Variants in HHAT observed in about 807,000 individuals in gnomAD.
The protein encoded by HHAT is hedgehog acyltransferase.
Under a neutral mutation model 70.8 loss-of-function variants are expected in HHAT, and 47 were observed. That is an observed-to-expected ratio of 0.66 (90% CI 0.53 to 0.85). The LOEUF (loss-of-function observed/expected upper bound fraction) is 0.85, where lower values mean the gene tolerates loss of function less well. Among genes scored for constraint, HHAT ranks in the 40% least tolerant of loss-of-function variants. The probability of loss-of-function intolerance (pLI) is 0.00; values close to 1 mark genes in which losing one functional copy is unlikely to be tolerated. For missense variants in HHAT, 609 were observed against 604.8 expected (o/e 1.01, Z -0.07); for synonymous variants, 228 against 247.6 (o/e 0.92, Z 0.74).
intron 10 of HHAT, among the ~76,000 whole-genome samples, chr1:210,609,555 A>T (rs1288009596): frequency 1.3e-5 from 2 of 151,798 alleles, no homozygotes; most frequent in Admixed American, 1.3e-4. Flanking sequence ...GGATGTGCAG[A>T]TTTATTATAT....
chr1:210,335,142 A>T (rs1488557983), intron 1 of HHAT, among the ~76,000 whole-genome samples: 1 of 152,340 alleles, frequency 6.6e-6, no homozygotes, highest in African/African-American at 2.4e-5. Context: ...TAAGTCTTAA[A>T]TATGGTAAGT....
chr1:210,557,011 T>G (rs962703460), intron 9 of HHAT, among the ~76,000 whole-genome samples: 1 of 152,134 alleles, frequency 6.6e-6, no homozygotes, highest in African/African-American at 2.4e-5. Context: ...CTGCAGACAG[T>G]GCTGATTGTC....
In HHAT at chr1:210,422,079, C is replaced by A. The variant is rs141003528; in HGVS notation, c.856+3754C>A. On this transcript the variant is annotated intron_variant, in intron 7 of 11. Transcript: ENST00000261458. Reference sequence around the variant, plus strand: ...CTAAAGCTTTTAAAGTTAAAAAAATCTTTAGTTATTGTGTACATTTGCATC... The same window carrying A: ...CTAAAGCTTTTAAAGTTAAAAAAATATTTAGTTATTGTGTACATTTGCATC... Among the ~76,000 whole-genome samples, 220 of 152,146 alleles carry A rather than the reference C, an allele frequency of 1.4e-3. 5 individuals are homozygous for A. The East Asian group carries it at 0.037, about 25-fold the overall frequency.
In HHAT at chr1:210,491,061, CA is replaced by C. The variant is rs201459873; in HGVS notation, c.1008-22091del. 6.4e-3 allele frequency among the ~76,000 whole-genome samples: 470 copies of C among 73,452 alleles called. 5 individuals carry two copies. Among genetic ancestry groups the C allele is most frequent in the Non-Finnish European group, 4.8e-3 (165 of 34,248 alleles). 48.2% of individuals were successfully genotyped at this position (73,452 alleles called of 152,430 possible). On this transcript the variant is annotated intron_variant, in intron 8 of 11. Transcript: ENST00000261458. ...CATTTTTGTGAGACACACACACACA[CA>C]TAGTGTGTGTGTGTGTGTGTGTGTC...
intron 3 of HHAT, among the ~76,000 whole-genome samples, chr1:210,386,355 C>CA (rs1342046405): frequency 6.8e-6 from 1 of 147,064 alleles, no homozygotes; most frequent in African/African-American, 2.5e-5. Flanking sequence ...TCTCCTGCCT[C>CA]AGCCTCCCAA....
chr1:210,674,418 A>T lies in HHAT; in HGVS notation c.*39A>T. On this transcript the variant is annotated 3_prime_UTR_variant, in exon 12 of 12. Coordinates refer to ENST00000261458, the MANE Select transcript of HHAT (RefSeq NM_018194.6). Reference sequence around the variant, plus strand: ...AGGCCAGTCCTTGTTGCTGGCCTCCAAGGCAAATAGTGCTTCACCCTGACC... The same window carrying T: ...AGGCCAGTCCTTGTTGCTGGCCTCCTAGGCAAATAGTGCTTCACCCTGACC... 1 of 1,522,626 alleles carries T rather than the reference A, an allele frequency of 6.6e-7. No homozygotes were observed. The allele number at this position is 1,522,626 out of a possible 1,614,324, so 94.3% of individuals were successfully genotyped here. A position where few individuals can be genotyped will look rare whatever the true frequency, so the allele number is the denominator to read the frequency against.
chr1:210,602,756 G>A (rs1664569750), intron 10 of HHAT, among the ~76,000 whole-genome samples: 1 of 152,088 alleles, frequency 6.6e-6, no homozygotes, highest in South Asian at 2.1e-4. Flanking sequence ...TGTTATGAAC[G>A]GTGTGTTCCT....
intron 10 of HHAT, among the ~76,000 whole-genome samples, chr1:210,623,104 T>G (rs886465538): frequency 2.6e-5 from 4 of 152,194 alleles, no homozygotes; most frequent in African/African-American, 9.7e-5. Context: ...ACGCTCTTGT[T>G]CTGTCACCCA....
At chr1:210,486,344 G>A (rs986916100) in intron 8 of HHAT, among the ~76,000 whole-genome samples, 3 of 152,130 alleles carry the variant, frequency 2.0e-5, no homozygotes, top group East Asian at 3.9e-4. Context: ...TACATTAAGC[G>A]AATGCTTACC....
In HHAT at chr1:210,530,334, G is replaced by A. The variant is rs539120941; in HGVS notation, c.1043+17146G>A. Among the ~76,000 whole-genome samples the A allele has an allele frequency of 5.3e-5, 8 of 152,262 alleles. No individual in the cohort carries two copies. The South Asian group carries it at 1.7e-3, about 32-fold the overall frequency. ...ATACATATCAGCCTTTACCTTAAAA[G>A]GTGAGGGTAACATGAGTAAAGGGGT... On this transcript the variant is annotated intron_variant, in intron 9 of 11. Transcript: ENST00000261458.
chr1:210,638,610 G>A (rs1208730743), intron 11 of HHAT, among the ~76,000 whole-genome samples: 1 of 149,590 alleles, frequency 6.7e-6, no homozygotes, highest in Admixed American at 6.8e-5. Flanking sequence ...GCTTGGTATG[G>A]TTGCCTATGC....
At chr1:210,516,473 C>T (rs753129679) in intron 9 of HHAT, among the ~76,000 whole-genome samples, 2 of 152,106 alleles carry the variant, frequency 1.3e-5, no homozygotes, top group Admixed American at 6.6e-5. Context: ...TAACCTCAGA[C>T]AGCAATGGCA....
intron 11 of HHAT, among the ~76,000 whole-genome samples, chr1:210,634,882 C>G (rs1671570547): frequency 6.6e-6 from 1 of 152,174 alleles, no homozygotes; most frequent in Admixed American, 6.5e-5. Context: ...TGGGAAGCAT[C>G]TCAGCTTATC....
intron 9 of HHAT, among the ~76,000 whole-genome samples, chr1:210,566,884 A>T (rs1433578616): frequency 6.6e-6 from 1 of 152,230 alleles, no homozygotes; most frequent in Non-Finnish European, 1.5e-5. Context: ...AAAAAGGAAG[A>T]GGGTCCACTG....
rs371340101 is a variant in HHAT, at chr1:210,619,261, C to A, written c.1246-4265C>A. ...ACCCCTGCCTGAGAACAAAGTGATTCTAATGAGCCCCACCTCCCATTCTTC... is the reference window on the plus strand; with the variant it reads ...ACCCCTGCCTGAGAACAAAGTGATTATAATGAGCCCCACCTCCCATTCTTC... On this transcript the variant is annotated intron_variant, in intron 10 of 11. Transcript: ENST00000261458. 3.4e-4 allele frequency among the ~76,000 whole-genome samples: 52 copies of A among 152,274 alleles called. No homozygotes were observed. In the South Asian group the frequency reaches 0.01, roughly 30 times the overall value.
chr1:210,592,701 A>C (rs1662015571), intron 10 of HHAT, among the ~76,000 whole-genome samples: 1 of 151,574 alleles, frequency 6.6e-6, no homozygotes, highest in South Asian at 2.1e-4. Context: ...GTCCTCTTCG[A>C]TTTCTTTCAT....
At chr1:210,540,669 A>G (rs2095421494) in intron 9 of HHAT, among the ~76,000 whole-genome samples, 1 of 151,248 alleles carries the variant, frequency 6.6e-6, no homozygotes, top group Admixed American at 6.6e-5. Flanking sequence ...GTCTTGCTAC[A>G]TTGTCCAGGT....
chr1:210,418,424 C>G (rs1421616790), intron 7 of HHAT, 99 bp downstream of exon 7: 1 of 1,038,324 alleles, frequency 9.6e-7, no homozygotes, highest in East Asian at 2.6e-5. Flanking sequence ...GTGCAGGTGC[C>G]TATAGCAAAC....
intron 7 of HHAT, among the ~76,000 whole-genome samples, chr1:210,446,120 C>A (rs374326225): frequency 6.6e-6 from 1 of 152,134 alleles, no homozygotes; most frequent in Non-Finnish European, 1.5e-5. Context: ...GTGGGAGATT[C>A]TCTTGTCGGG....
Sources: allele counts gnomAD v4.1 joint callset (sites outside exome capture counted in the v4.1 genomes callset), GRCh38; gene constraint gnomAD v4.1.1; transcripts MANE v1.5; gene names NCBI Gene and HGNC (gene_info 2026-07-23, HGNC 2026-07-21).